The following RAVER2 variants were observed in gnomAD, a reference collection of about 807,000 sequenced individuals.
The protein encoded by RAVER2 is ribonucleoprotein PTB-binding 2.
RAVER2 carries 46 observed loss-of-function variants against 78.1 expected under a neutral mutation model. The observed-to-expected ratio is 0.59, with a 90% CI of 0.46 to 0.75. RAVER2 has a LOEUF of 0.75. RAVER2 is among the 30% of genes least tolerant of loss of function. RAVER2 has a pLI of 0.00. For missense variants in RAVER2, 793 were observed against 837.5 expected (o/e 0.95, Z 0.66); for synonymous variants, 311 against 313.3 (o/e 0.99, Z 0.08).
Position 64,802,996 on chromosome 1 carries a change from AGCTT to A in RAVER2, c.1129_1132del (p.Leu377HisfsTer3). 6.2e-7 allele frequency: 1 copy of A among 1,609,678 alleles called. No homozygotes were observed. The highest frequency in any genetic ancestry group is 8.5e-7 in the Non-Finnish European group (1 of 1,176,910). On this transcript the variant is annotated frameshift_variant, in exon 6 of 12. Coordinates refer to ENST00000294428, the Ensembl canonical transcript of RAVER2. LOFTEE classifies it high-confidence loss of function. ...CAAAGCCGTTCTTGGAACACCTCACAGCTTGCCACATCTGATGAATCCATCCATC... is the reference window on the plus strand; with the variant it reads ...CAAAGCCGTTCTTGGAACACCTCACAGCCACATCTGATGAATCCATCCATC...
intron 2 of RAVER2, among the ~76,000 whole-genome samples, chr1:64,775,544 T>G (rs1461640922): frequency 6.6e-6 from 1 of 152,040 alleles, no homozygotes; most frequent in African/African-American, 2.4e-5. Flanking sequence ...AAAAAGATAT[T>G]CAGCGGCCAC....
chr1:64,828,957 C>T (rs905741062), intron 11 of RAVER2, among the ~76,000 whole-genome samples: 1 of 152,138 alleles, frequency 6.6e-6, no homozygotes, highest in Non-Finnish European at 1.5e-5. Context: ...TTTTACTCAA[C>T]GTAATGTTTG....
intron 1 of RAVER2, among the ~76,000 whole-genome samples, chr1:64,749,683 A>G (rs1369218754): frequency 6.6e-6 from 1 of 152,256 alleles, no homozygotes; most frequent in Non-Finnish European, 1.5e-5. Flanking sequence ...TTTATAGTCA[A>G]TAGTAATGTT....
At chr1:64,761,140 G>A (rs1557584044) in intron 1 of RAVER2, among the ~76,000 whole-genome samples, 1 of 152,140 alleles carries the variant, frequency 6.6e-6, no homozygotes. Context: ...TTTTTATACT[G>A]CCAATAAAAA....
At chr1:64,824,528 A>C (rs1006766563) in intron 11 of RAVER2, among the ~76,000 whole-genome samples, 1 of 152,202 alleles carries the variant, frequency 6.6e-6, no homozygotes, top group African/African-American at 2.4e-5. Context: ...TTTAAACAAC[A>C]ATTATGGGAG....
intron 4 of RAVER2, among the ~76,000 whole-genome samples, chr1:64,787,434 C>CTGAA (rs1652811991): frequency 6.6e-6 from 1 of 152,162 alleles, no homozygotes; most frequent in Non-Finnish European, 1.5e-5. Context: ...TCTGCCTTCA[C>CTGAA]CATCTAGGCT....
intron 1 of RAVER2, among the ~76,000 whole-genome samples, chr1:64,763,052 G>T (rs775656938): frequency 6.6e-6 from 1 of 152,246 alleles, no homozygotes; most frequent in Non-Finnish European, 1.5e-5. Flanking sequence ...GGTCACGCCT[G>T]TAATCCCAGC....
chr1:64,820,255 T>A (rs1419332008), intron 11 of RAVER2, among the ~76,000 whole-genome samples: 2 of 152,148 alleles, frequency 1.3e-5, no homozygotes, highest in Non-Finnish European at 2.9e-5. Context: ...TGAAAACATG[T>A]GATTAAGCCA....
chr1:64,788,791 C>CAAA (rs35159558), intron 4 of RAVER2, among the ~76,000 whole-genome samples: 4 of 109,898 alleles, frequency 3.6e-5, no homozygotes, highest in African/African-American at 6.4e-5. Context: ...GACTCCGTCT[C>CAAA]AAAAAAAAAA....
At chr1:64,780,242 T>A (rs1403377976) in intron 3 of RAVER2, among the ~76,000 whole-genome samples, 1 of 152,230 alleles carries the variant, frequency 6.6e-6, no homozygotes, top group East Asian at 1.9e-4. Flanking sequence ...AATGATTAAT[T>A]AGTGGCTTTT....
At chr1:64,827,247 A>G (rs759842235) in intron 11 of RAVER2, among the ~76,000 whole-genome samples, 28 of 152,220 alleles carry the variant, frequency 1.8e-4, no homozygotes, top group Non-Finnish European at 2.9e-4. Context: ...GCAAAGCATC[A>G]GCTGAGAGTG....
intron 4 of RAVER2, among the ~76,000 whole-genome samples, chr1:64,785,957 A>G (rs72675421): frequency 0.05 from 7,607 of 152,242 alleles, 302 homozygotes; most frequent in Admixed American, 0.14. Flanking sequence ...ATTTTGAAAG[A>G]TAGTATTCTT....
Position 64,812,136 on chromosome 1 carries a change from G to C in RAVER2, c.1681-602G>C, listed in dbSNP as rs182766436. Among the ~76,000 whole-genome samples the C allele has an allele frequency of 1.2e-3, 180 of 152,090 alleles. 3 individuals are homozygous for C. The highest frequency in any genetic ancestry group is 0.012 in the Admixed American group (176 of 15,262). ...AGCCAACACTTTGGCCAAGGCGGGG[G>C]CATCACGAAGGTCAGGAGTTCAAGA... On this transcript the variant is annotated intron_variant, in intron 9 of 11. Transcript: ENST00000294428.
At chr1:64,798,190 T>TG (rs1653153042) in intron 5 of RAVER2, among the ~76,000 whole-genome samples, 1 of 133,878 alleles carries the variant, frequency 7.5e-6, no homozygotes, top group Non-Finnish European at 1.6e-5. Flanking sequence ...TTTTTGTTCT[T>TG]GCGATAGTTT....
At chr1:64,801,999 A>G (rs544650824) in intron 5 of RAVER2, among the ~76,000 whole-genome samples, 1 of 152,196 alleles carries the variant, frequency 6.6e-6, no homozygotes, top group Non-Finnish European at 1.5e-5. Flanking sequence ...TTATTCATGA[A>G]TTTTCCAGGA....
At chr1:64,803,031 T>A in exon 6 of RAVER2, 2 of 1,607,296 alleles carry the variant, frequency 1.2e-6, no homozygotes, top group East Asian at 4.5e-5. Flanking sequence ...CCATCTCTCC[T>A]GCATTTTTAC....
In RAVER2 at chr1:64,786,715, C is replaced by T. The variant is rs577928099; in HGVS notation, c.979-2673C>T. ...GGCTGAGACAGGAGAATTGCTTGAA[C>T]CCAGGAAGCAGAGATTGCAGTGAAC... On this transcript the variant is annotated intron_variant, in intron 4 of 11. Transcript: ENST00000294428. 3.5e-4 allele frequency among the ~76,000 whole-genome samples: 54 copies of T among 152,162 alleles called. 3 individuals carry two copies. In the South Asian group the frequency reaches 0.011, roughly 32 times the overall value.
At chr1:64,790,811 G>A (rs1018909989) in intron 5 of RAVER2, among the ~76,000 whole-genome samples, 3 of 152,080 alleles carry the variant, frequency 2.0e-5, no homozygotes, top group Non-Finnish European at 2.9e-5. Flanking sequence ...CATTTATTAT[G>A]TTTCAGTCCC....
At position 64,831,092 on chromosome 1, in the gene RAVER2, T is replaced by C. The variant is rs149452935; in HGVS notation, c.*107T>C. 968 of 1,210,768 alleles carry C rather than the reference T, an allele frequency of 8.0e-4. 4 individuals are homozygous for C. The highest frequency in any genetic ancestry group is 2.1e-3 in the Middle Eastern group (8 of 3,888). 75.0% of individuals were successfully genotyped at this position (1,210,768 alleles called of 1,614,324 possible). A position where few individuals can be genotyped will look rare whatever the true frequency, so the allele number is the denominator to read the frequency against. ...GCCATATCCTTTAAATACGGGTTTATAGTTTCCCAGAAGGAACTGTGTTGT... is the reference window on the plus strand; with the variant it reads ...GCCATATCCTTTAAATACGGGTTTACAGTTTCCCAGAAGGAACTGTGTTGT... On this transcript the variant is annotated 3_prime_UTR_variant, in exon 12 of 12. Coordinates refer to ENST00000294428, the Ensembl canonical transcript of RAVER2.
Sources: gnomAD v4.1 joint callset for allele counts (sites outside exome capture counted in the v4.1 genomes callset) on GRCh38, gnomAD v4.1.1 for gene constraint, MANE v1.5 for transcripts, NCBI Gene and HGNC (gene_info 2026-07-23, HGNC 2026-07-21) for gene names.